Variants in PCDH15 observed in about 807,000 individuals in gnomAD.
The protein encoded by PCDH15 is protocadherin related 15.
A neutral mutation model predicts 178.5 loss-of-function variants in PCDH15; 129 were observed. The observed-to-expected ratio is 0.72, with a 90% CI of 0.63 to 0.84. The LOEUF (loss-of-function observed/expected upper bound fraction) is 0.84, where lower values mean the gene tolerates loss of function less well. PCDH15 is among the 40% of genes least tolerant of loss of function. The pLI, the probability that PCDH15 is intolerant of heterozygous loss-of-function variation, is 0.00. For synonymous variants in PCDH15, 800 were observed against 732.0 expected (o/e 1.09, Z -1.50); for missense variants, 2,230 against 2,099.9 (o/e 1.06, Z -1.21).
chr10:55,238,382 C>T (rs1841450594), intron 1 of PCDH15, among the ~76,000 whole-genome samples: 1 of 151,988 alleles, frequency 6.6e-6, no homozygotes, highest in South Asian at 2.1e-4. Flanking sequence ...GATCTCCTGA[C>T]CTCGTGATCC....
chr10:55,304,650 T>A (rs1030010269), intron 1 of PCDH15, among the ~76,000 whole-genome samples: 2 of 152,168 alleles, frequency 1.3e-5, no homozygotes, highest in African/African-American at 4.8e-5. Flanking sequence ...TAAAATGGTG[T>A]ACAAGTTCTG....
intron 18 of PCDH15, among the ~76,000 whole-genome samples, chr10:54,046,157 G>C (rs2093651089): frequency 6.6e-6 from 1 of 152,126 alleles, no homozygotes; most frequent in African/African-American, 2.4e-5. Context: ...ACCGTAACAA[G>C]GTGGCTCAAA....
chr10:53,866,237 A>C (rs2079439793), intron 27 of PCDH15, among the ~76,000 whole-genome samples: 1 of 152,112 alleles, frequency 6.6e-6, no homozygotes, highest in East Asian at 1.9e-4. Context: ...AATTTAAACA[A>C]ATAATTTCAT....
At chr10:54,693,306 G>T (rs35651658) in intron 1 of PCDH15, among the ~76,000 whole-genome samples, 1 of 151,112 alleles carries the variant, frequency 6.6e-6, no homozygotes, top group Non-Finnish European at 1.5e-5. Context: ...ATGAGTAAAT[G>T]AGCCCTTTAT....
intron 8 of PCDH15, among the ~76,000 whole-genome samples, chr10:54,279,785 T>C (rs2058567621): frequency 6.6e-6 from 1 of 151,758 alleles, no homozygotes; most frequent in Admixed American, 6.6e-5. Flanking sequence ...TTTAACCTTT[T>C]CATGCTTCAC....
intron 26 of PCDH15, among the ~76,000 whole-genome samples, chr10:53,892,561 T>C (rs2081646533): frequency 6.6e-6 from 1 of 152,154 alleles, no homozygotes; most frequent in South Asian, 2.1e-4. Context: ...ATATGCAGAA[T>C]TATTTCATTG....
At chr10:55,091,777 T>C (rs1842324308) in intron 2 of PCDH15, among the ~76,000 whole-genome samples, 1 of 151,964 alleles carries the variant, frequency 6.6e-6, no homozygotes, top group South Asian at 2.1e-4. Flanking sequence ...TTAAAATTCT[T>C]GTTTTACTCT....
chr10:54,433,909 G>T (rs754627188), intron 3 of PCDH15, among the ~76,000 whole-genome samples: 2 of 152,112 alleles, frequency 1.3e-5, no homozygotes, highest in Non-Finnish European at 2.9e-5. Flanking sequence ...AGGAGATATT[G>T]CACAAGAAGG....
intron 2 of PCDH15, among the ~76,000 whole-genome samples, chr10:54,631,328 C>T (rs73249299): frequency 1.1e-4 from 17 of 152,272 alleles, no homozygotes; most frequent in African/African-American, 4.1e-4. Flanking sequence ...GCCTGCAGAA[C>T]AATTAGCCAA....
At chr10:54,280,070 T>G (rs965508367) in intron 8 of PCDH15, among the ~76,000 whole-genome samples, 5 of 151,674 alleles carry the variant, frequency 3.3e-5, no homozygotes, top group African/African-American at 1.2e-4. Context: ...TTCAAACTTT[T>G]TATTCCCTTA....
intron 29 of PCDH15, among the ~76,000 whole-genome samples, chr10:53,838,689 C>G (rs893500941): frequency 6.6e-6 from 1 of 152,004 alleles, no homozygotes; most frequent in Admixed American, 6.6e-5. Flanking sequence ...TTCTGACAAT[C>G]GAAAGAATAT....
chr10:54,584,835 A>G (rs1168421447), intron 2 of PCDH15, among the ~76,000 whole-genome samples: 2 of 152,170 alleles, frequency 1.3e-5, no homozygotes, highest in Non-Finnish European at 2.9e-5. Context: ...GAATGTGACC[A>G]AATGTCCATT....
chr10:55,424,642 C>T (rs1327466343), intron 2 of PCDH15, among the ~76,000 whole-genome samples: 1 of 151,952 alleles, frequency 6.6e-6, no homozygotes, highest in Non-Finnish European at 1.5e-5. Flanking sequence ...TCTATGAATG[C>T]CTGTGGGTTG....
At chr10:54,849,729 C>T (rs74138806) in intron 3 of PCDH15, among the ~76,000 whole-genome samples, 2,026 of 152,168 alleles carry the variant, frequency 0.013, 43 homozygotes, top group African/African-American at 0.047. Flanking sequence ...AAGGAAAGAA[C>T]CGCAATTACT....
chr10:54,440,264 T>C (rs1449441604), intron 3 of PCDH15, among the ~76,000 whole-genome samples: 2 of 152,022 alleles, frequency 1.3e-5, no homozygotes, highest in Non-Finnish European at 2.9e-5. Flanking sequence ...GTTTAATGCT[T>C]ATGCAAATAA....
At chr10:54,669,837 G>A (rs1238847343) in intron 1 of PCDH15, among the ~76,000 whole-genome samples, 1 of 151,610 alleles carries the variant, frequency 6.6e-6, no homozygotes, top group Non-Finnish European at 1.5e-5. Context: ...TAGATAACTC[G>A]AGATCAGGAG....
rs867018559 is a variant in PCDH15, at chr10:54,911,692, G to A, written c.-79-14192C>T. 2.0e-5 allele frequency among the ~76,000 whole-genome samples: 3 copies of A among 152,092 alleles called. No individual in the cohort carries two copies. The South Asian group carries it at 6.2e-4, about 32-fold the overall frequency. On this transcript the variant is annotated intron_variant, in intron 2 of 5. Coordinates refer to the PCDH15 transcript ENST00000458638. ...CAGGTGGAAAGTGACTGGATCTTGGGGTCGGTTTCTTCCATGCTGTTCTCC... is the reference window on the plus strand; with the variant it reads ...CAGGTGGAAAGTGACTGGATCTTGGAGTCGGTTTCTTCCATGCTGTTCTCC...
chr10:55,214,235 C>T (rs1840641761), intron 1 of PCDH15, among the ~76,000 whole-genome samples: 1 of 151,828 alleles, frequency 6.6e-6, no homozygotes, highest in African/African-American at 2.4e-5. Context: ...TTAAATGCAC[C>T]AATTAATATA....
rs116853984 is a variant in PCDH15 at position 54,010,386 on chromosome 10, C to T, written c.2751+9806G>A. On this transcript the variant is annotated intron_variant, in intron 20 of 37. Transcript: ENST00000644397. ...AGCTCTGTACTTTCCTGGGACAGAGCTCCCAGAGGGCAAGGCAGGTCACCA... is the reference window on the plus strand; with the variant it reads ...AGCTCTGTACTTTCCTGGGACAGAGTTCCCAGAGGGCAAGGCAGGTCACCA... 3.8e-3 allele frequency among the ~76,000 whole-genome samples: 580 copies of T among 152,278 alleles called. 12 individuals carry two copies. The East Asian group carries it at 0.045, about 12-fold the overall frequency.
Sources: gnomAD v4.1 joint callset for allele counts (sites outside exome capture counted in the v4.1 genomes callset) on GRCh38, gnomAD v4.1.1 for gene constraint, MANE v1.5 for transcripts, NCBI Gene and HGNC (gene_info 2026-07-23, HGNC 2026-07-21) for gene names.